Variants in KHDRBS2 observed in about 807,000 individuals in gnomAD.
KHDRBS2 encodes the protein KH domain-containing, RNA-binding, signal transduction-associated protein 2.
In KHDRBS2, 26 loss-of-function variants were observed where a neutral mutation model predicts 44.3. The ratio of observed to expected loss-of-function variants is 0.59; its 90% confidence interval spans 0.43 to 0.81. KHDRBS2 has a LOEUF of 0.81. KHDRBS2 is among the 40% of genes least tolerant of loss of function. KHDRBS2 has a pLI of 0.00. For missense variants in KHDRBS2, 476 were observed against 433.1 expected (o/e 1.10, Z -0.88); for synonymous variants, 194 against 151.1 (o/e 1.28, Z -2.08).
At chr6:61,958,137 C>G (rs1767830356) in intron 4 of KHDRBS2, among the ~76,000 whole-genome samples, 1 of 152,112 alleles carries the variant, frequency 6.6e-6, no homozygotes, top group South Asian at 2.1e-4. Flanking sequence ...AAAACCATTT[C>G]CCTCTGTTCT....
chr6:61,982,584 T>A (rs1774072399), intron 3 of KHDRBS2, among the ~76,000 whole-genome samples: 1 of 148,864 alleles, frequency 6.7e-6, no homozygotes, highest in Non-Finnish European at 1.5e-5. Flanking sequence ...GGCGAGAGAA[T>A]GGCATGAACC....
chr6:62,044,508 AAAAG>A (rs966095216), intron 3 of KHDRBS2, among the ~76,000 whole-genome samples: 8 of 152,128 alleles, frequency 5.3e-5, no homozygotes, highest in African/African-American at 1.9e-4. Context: ...AAAAAAAAGA[AAAAG>A]AAAGAAAAAG....
At chr6:61,679,489 T>G (rs1281867148), downstream of KHDRBS2, among the ~76,000 whole-genome samples, 1 of 151,988 alleles carries the variant, frequency 6.6e-6, no homozygotes, top group African/African-American at 2.4e-5. Context: ...ACAGAGTTAC[T>G]ATTAGTGTTA....
At chr6:62,188,760 C>A (rs1289721366) in intron 1 of KHDRBS2, among the ~76,000 whole-genome samples, 1 of 152,090 alleles carries the variant, frequency 6.6e-6, no homozygotes, top group Non-Finnish European at 1.5e-5. Flanking sequence ...GAAAGTCTAC[C>A]ACTTCTGAAA....
chr6:61,851,433 C>A (rs769640048), intron 6 of KHDRBS2, among the ~76,000 whole-genome samples: 16 of 151,992 alleles, frequency 1.1e-4, no homozygotes, highest in Non-Finnish European at 1.8e-4. Flanking sequence ...CAGTACCTTA[C>A]AATGTGACTG....
At chr6:61,700,212 C>T (rs1473504397) in intron 7 of KHDRBS2, among the ~76,000 whole-genome samples, 1 of 151,606 alleles carries the variant, frequency 6.6e-6, no homozygotes, top group African/African-American at 2.4e-5. Context: ...CGATCATGTT[C>T]CCCAAAGTGT....
intron 1 of KHDRBS2, among the ~76,000 whole-genome samples, chr6:62,194,308 AC>A (rs1032325681): frequency 1.3e-5 from 2 of 151,680 alleles, no homozygotes; most frequent in African/African-American, 4.8e-5. Context: ...TCCTACCACC[AC>A]TTGTTGAAAT....
At chr6:61,868,100 CACTCTAGG>C (rs1233790998) in intron 6 of KHDRBS2, among the ~76,000 whole-genome samples, 2 of 151,614 alleles carry the variant, frequency 1.3e-5, no homozygotes, top group Non-Finnish European at 2.9e-5. Flanking sequence ...GACCCCCAAG[CACTCTAGG>C]GAGAAATTAG....
chr6:62,169,034 CATATATATATATATATATAT>C (rs369570219), intron 2 of KHDRBS2, among the ~76,000 whole-genome samples: 1 of 72,582 alleles, frequency 1.4e-5, no homozygotes, highest in Non-Finnish European at 2.7e-5. Context: ...GTTCTCCAGT[CATATATATATATATATATAT>C]ATATATATGT....
chr6:62,233,950 T>C (rs1245944866), intron 1 of KHDRBS2, among the ~76,000 whole-genome samples: 1 of 152,136 alleles, frequency 6.6e-6, no homozygotes, highest in African/African-American at 2.4e-5. Context: ...GGAACATATG[T>C]GTGCATGTGT....
chr6:61,760,130 G>T lies in KHDRBS2; in HGVS notation c.811-27366C>A, dbSNP rs558988291. Among the ~76,000 whole-genome samples, 3 of 152,216 alleles carry T rather than the reference G, an allele frequency of 2.0e-5. No individual in the cohort carries two copies. In the South Asian group the frequency reaches 6.2e-4, roughly 32 times the overall value. ...ATGAATGCTGTATTATTTTTAAGGGGTAATTCAATTATACATTGTGCTAAA... is the reference window on the plus strand; with the variant it reads ...ATGAATGCTGTATTATTTTTAAGGGTTAATTCAATTATACATTGTGCTAAA... On this transcript the variant is annotated intron_variant, in intron 6 of 8. Coordinates refer to ENST00000281156, the MANE Select transcript of KHDRBS2 (RefSeq NM_152688.4).
At chr6:62,246,893 GA>G (rs1835666447) in intron 1 of KHDRBS2, among the ~76,000 whole-genome samples, 1 of 151,908 alleles carries the variant, frequency 6.6e-6, no homozygotes, top group African/African-American at 2.4e-5. Flanking sequence ...ATAATTACCT[GA>G]CAGCAAATTA....
intron 4 of KHDRBS2, among the ~76,000 whole-genome samples, chr6:61,918,214 CTTG>C (rs977527155): frequency 6.6e-5 from 10 of 151,924 alleles, no homozygotes; most frequent in Non-Finnish European, 1.3e-4. Context: ...TAATTTTCTT[CTTG>C]TTCTGACATT....
At position 61,945,146 on chromosome 6, in the gene KHDRBS2, T is replaced by TACAC. The variant is rs1306387509; in HGVS notation, c.483+32919_483+32920insGTGT. Reference sequence around the variant, plus strand: ...ATATATATATATATATATATATATATATATACACACAGACTTGTCTTGATA... The same window carrying TACAC: ...ATATATATATATATATATATATATATACACATATACACACAGACTTGTCTTGATA... On this transcript the variant is annotated intron_variant, in intron 4 of 8. Coordinates refer to ENST00000281156, the MANE Select transcript of KHDRBS2 (RefSeq NM_152688.4). Among the ~76,000 whole-genome samples the TACAC allele has an allele frequency of 8.4e-4, 68 of 80,552 alleles. 1 individual carries two copies. The highest frequency in any genetic ancestry group is 1.2e-3 in the Non-Finnish European group (46 of 37,588). The allele number at this position is 80,552 out of a possible 152,430, so 52.8% of individuals were successfully genotyped here. A position where few individuals can be genotyped will look rare whatever the true frequency, so the allele number is the denominator to read the frequency against.
the KHDRBS2 span, among the ~76,000 whole-genome samples, chr6:61,588,135 G>T: frequency 2.2e-3 from 328 of 152,278 alleles, 2 homozygotes; most frequent in African/African-American, 7.3e-3. Context: ...TTTCCATTTA[G>T]TTAAATGTCC....
intron 7 of KHDRBS2, among the ~76,000 whole-genome samples, chr6:61,728,236 G>C (rs1773889150): frequency 6.6e-6 from 1 of 151,988 alleles, no homozygotes; most frequent in Non-Finnish European, 1.5e-5. Context: ...GGAGCTAAAT[G>C]ATGAGAACAC....
At chr6:61,597,404 C>T in the KHDRBS2 span, among the ~76,000 whole-genome samples, 3 of 152,036 alleles carry the variant, frequency 2.0e-5, no homozygotes, top group Admixed American at 6.6e-5. Flanking sequence ...ACCCCTAGGG[C>T]TCTGTGAGGT....
At chr6:61,697,602 A>G (rs553148749) in intron 7 of KHDRBS2, among the ~76,000 whole-genome samples, 6 of 152,146 alleles carry the variant, frequency 3.9e-5, no homozygotes, top group East Asian at 1.9e-4. Flanking sequence ...CTGGTCAATC[A>G]TGTATAGCTT....
At chr6:62,107,524 A>T (rs372855097) in intron 2 of KHDRBS2, among the ~76,000 whole-genome samples, 4 of 152,070 alleles carry the variant, frequency 2.6e-5, no homozygotes, top group South Asian at 2.1e-4. Context: ...CTGCCCAAAG[A>T]AATTTATAGA....
Sources: gnomAD v4.1 joint callset for allele counts (sites outside exome capture counted in the v4.1 genomes callset) on GRCh38, gnomAD v4.1.1 for gene constraint, MANE v1.5 for transcripts, NCBI Gene and HGNC (gene_info 2026-07-23, HGNC 2026-07-21) for gene names.